The following CNRIP1 variants were observed in gnomAD, a reference collection of about 807,000 sequenced individuals.
CNRIP1 encodes the protein cannabinoid receptor interacting protein 1.
In CNRIP1, 10 loss-of-function variants were observed where a neutral mutation model predicts 15.2. That is an observed-to-expected ratio of 0.66 (90% CI 0.41 to 1.12). CNRIP1 has a LOEUF of 1.12. Ranked by LOEUF, CNRIP1 falls within the 50% of genes most tolerant of loss-of-function variation. The pLI is 0.00. For missense variants in CNRIP1, 211 were observed against 214.7 expected (o/e 0.98, Z 0.11); for synonymous variants, 91 against 83.2 (o/e 1.09, Z -0.51).
Position 68,302,697 on chromosome 2 carries a change from A to G in CNRIP1, c.331-8671T>C, listed in dbSNP as rs147276036. On this transcript the variant is annotated intron_variant, in intron 2 of 2. Transcript: ENST00000263655. ...CTGCAGTGTCACTATGGGCAGTGGC[A>G]AATCAAGGCAACACAGCTTAGGAGA... Among the ~76,000 whole-genome samples, 464 of 152,300 alleles carry G rather than the reference A, an allele frequency of 3.0e-3. 11 individuals are homozygous for G. Among genetic ancestry groups the G allele is most frequent in the Admixed American group, 0.028 (430 of 15,280 alleles).
At chr2:68,289,801 A>G (rs375127819), downstream of CNRIP1, among the ~76,000 whole-genome samples, 98 of 152,218 alleles carry the variant, frequency 6.4e-4, no homozygotes, top group South Asian at 0.019. Flanking sequence ...TTTTAATGAA[A>G]TATACCAAAT....
At chr2:68,287,265 A>G (rs1248940590) in intron 2 of CNRIP1, among the ~76,000 whole-genome samples, 1 of 152,224 alleles carries the variant, frequency 6.6e-6, no homozygotes, top group African/African-American at 2.4e-5. Context: ...GGATCAGGAA[A>G]GGCAAGGTTA....
At chr2:68,313,244 G>A (rs1672154415) in intron 2 of CNRIP1, among the ~76,000 whole-genome samples, 1 of 152,076 alleles carries the variant, frequency 6.6e-6, no homozygotes, top group African/African-American at 2.4e-5. Context: ...ACTGCTGGTG[G>A]ATATACAAAA....
At chr2:68,290,833 C>T (rs1671150907), downstream of CNRIP1, among the ~76,000 whole-genome samples, 1 of 152,186 alleles carries the variant, frequency 6.6e-6, no homozygotes, top group South Asian at 2.1e-4. Flanking sequence ...TCTCAGTAAG[C>T]GAGGTGTCAC....
chr2:68,300,200 G>T (rs1359966648), intron 2 of CNRIP1, among the ~76,000 whole-genome samples: 1 of 152,144 alleles, frequency 6.6e-6, no homozygotes, highest in African/African-American at 2.4e-5. Context: ...CTAAGTGATT[G>T]TGCCCATGTT....
At chr2:68,307,613 A>G (rs1671905286) in intron 2 of CNRIP1, among the ~76,000 whole-genome samples, 1 of 152,214 alleles carries the variant, frequency 6.6e-6, no homozygotes, top group Non-Finnish European at 1.5e-5. Flanking sequence ...GGTGTGAGCC[A>G]CTGTGCCTGG....
At chr2:68,294,960 A>G (rs1344410313) in intron 2 of CNRIP1, among the ~76,000 whole-genome samples, 1 of 152,242 alleles carries the variant, frequency 6.6e-6, no homozygotes, top group Non-Finnish European at 1.5e-5. Context: ...GCAGCTGAGA[A>G]GAGTACCTGG....
intron 2 of CNRIP1, among the ~76,000 whole-genome samples, chr2:68,296,104 C>T (rs1189582405): frequency 6.6e-6 from 1 of 152,124 alleles, no homozygotes; most frequent in Non-Finnish European, 1.5e-5. Flanking sequence ...CAATGCAACA[C>T]TAAAGGTCCA....
chr2:68,312,698 C>T (rs1182017520), intron 2 of CNRIP1, among the ~76,000 whole-genome samples: 1 of 151,980 alleles, frequency 6.6e-6, no homozygotes, highest in African/African-American at 2.4e-5. Context: ...TTTAGAAAAT[C>T]CTAGGGATCC....
rs1017978426 is a variant in CNRIP1 at position 68,293,787 on chromosome 2, G to T, written c.*75C>A. The T allele has an allele frequency of 1.3e-5, 20 of 1,560,972 alleles. No individual in the cohort carries two copies. Among genetic ancestry groups the T allele is most frequent in the Non-Finnish European group, 1.7e-5 (19 of 1,149,538 alleles). ...GAACAGCAATGGTGTGGCATGCCTT[G>T]TTTAAGGCCTGCGCTGGTTTATCTA... On this transcript the variant is annotated 3_prime_UTR_variant, in exon 3 of 3. Coordinates refer to ENST00000263655, the MANE Select transcript of CNRIP1 (RefSeq NM_015463.3).
At chr2:68,311,946 A>C (rs1672093075) in intron 2 of CNRIP1, among the ~76,000 whole-genome samples, 1 of 152,144 alleles carries the variant, frequency 6.6e-6, no homozygotes, top group South Asian at 2.1e-4. Flanking sequence ...ACAAAAACTC[A>C]GGAAATAAAA....
chr2:68,316,998 T>TTC lies in CNRIP1; in HGVS notation c.330+157_330+158dup, dbSNP rs199800040. On this transcript the variant is annotated intron_variant, in intron 2 of 2. Coordinates refer to ENST00000263655, the MANE Select transcript of CNRIP1 (RefSeq NM_015463.3). ...ATGCAAAAGAGCATTAATTAAGTAG[T>TTC]TCTCTCTCCAGCAGATGCTTGAAGG... The TTC allele has an allele frequency of 4.7e-4, 405 of 867,276 alleles. 4 individuals are homozygous for TTC. The East Asian group carries it at 9.3e-3, about 20-fold the overall frequency. 53.7% of individuals were successfully genotyped at this position (867,276 alleles called of 1,614,324 possible).
chr2:68,293,284 CCTT>C lies in CNRIP1; in HGVS notation c.*575_*577del. On this transcript the variant is annotated 3_prime_UTR_variant, in exon 3 of 3. Transcript: ENST00000263655. ...ACGTTATAAATACGTACATATTTGT[CCTT>C]CTAGTTTGTTACCATCCTTCCCTGA... is the stretch of plus-strand genomic sequence containing the variant. The C allele has an allele frequency of 1.0e-6, 1 of 985,970 alleles. No individual in the cohort carries two copies. Among genetic ancestry groups the C allele is most frequent in the Non-Finnish European group, 1.2e-6 (1 of 830,294 alleles). 61.1% of individuals were successfully genotyped at this position (985,970 alleles called of 1,614,324 possible). A position where few individuals can be genotyped will look rare whatever the true frequency, so the allele number is the denominator to read the frequency against.
intron 2 of CNRIP1, among the ~76,000 whole-genome samples, chr2:68,304,576 C>T (rs1181577626): frequency 6.6e-6 from 1 of 151,796 alleles, no homozygotes; most frequent in Non-Finnish European, 1.5e-5. Context: ...GTTGATTGTT[C>T]CCCACCATGA....
Position 68,306,216 on chromosome 2 carries a change from C to T in CNRIP1, c.330+10941G>A, listed in dbSNP as rs143163998. Among the ~76,000 whole-genome samples, 24 of 143,910 alleles carry T rather than the reference C, an allele frequency of 1.7e-4. No homozygotes were observed. In the East Asian group the frequency reaches 4.4e-3, roughly 26 times the overall value. The allele number at this position is 143,910 out of a possible 152,430, so 94.4% of individuals were successfully genotyped here. ...ACTCAGCAGGCTGAGGTGGGAGAAC[C>T]GCTTGAGTCTGGGAGGTCAAGGCTG... is the stretch of plus-strand genomic sequence containing the variant. On this transcript the variant is annotated intron_variant, in intron 2 of 2. Transcript: ENST00000263655.
At chr2:68,309,030 A>C (rs573693250) in intron 2 of CNRIP1, among the ~76,000 whole-genome samples, 25 of 152,242 alleles carry the variant, frequency 1.6e-4, no homozygotes, top group Non-Finnish European at 3.4e-4. Context: ...TAACAAAACA[A>C]AACAAAAATA....
intron 2 of CNRIP1, among the ~76,000 whole-genome samples, chr2:68,296,184 T>A (rs1055090206): frequency 6.6e-6 from 1 of 152,232 alleles, no homozygotes; most frequent in Non-Finnish European, 1.5e-5. Context: ...TGTAAAGTAT[T>A]TAATACAGTT....
chr2:68,286,211 A>G (rs1174161215), intron 2 of CNRIP1, among the ~76,000 whole-genome samples: 1 of 152,162 alleles, frequency 6.6e-6, no homozygotes, highest in East Asian at 1.9e-4. Flanking sequence ...ATCCAAAATC[A>G]TTAGCTTGTA....
chr2:68,309,448 T>C (rs1401839898), intron 2 of CNRIP1, among the ~76,000 whole-genome samples: 1 of 152,218 alleles, frequency 6.6e-6, no homozygotes. Context: ...TTCTATGGTA[T>C]GTAAATTGTT....
Sources: allele counts gnomAD v4.1 joint callset (sites outside exome capture counted in the v4.1 genomes callset), GRCh38; gene constraint gnomAD v4.1.1; transcripts MANE v1.5; gene names NCBI Gene and HGNC (gene_info 2026-07-23, HGNC 2026-07-21).